The following DMTF1 variants were observed in gnomAD, a reference collection of about 807,000 sequenced individuals.
DMTF1 encodes cyclin D binding myb like transcription factor 1, also known as cyclin-D-binding Myb-like transcription factor 1.
In DMTF1, 39 loss-of-function variants were observed where a neutral mutation model predicts 91.1. The observed-to-expected ratio is 0.43, with a 90% CI of 0.33 to 0.56. The LOEUF (loss-of-function observed/expected upper bound fraction) is 0.56, where lower values mean the gene tolerates loss of function less well. Ranked by LOEUF, DMTF1 falls within the 20% of genes least tolerant of loss-of-function variation. DMTF1 has a pLI of 0.05. For missense variants in DMTF1, 750 were observed against 914.5 expected, an observed-to-expected ratio of 0.82 and a Z score of 2.32; for synonymous variants, 338 against 309.5, an observed-to-expected ratio of 1.09 and a Z score of -0.97.
chr7:87,153,125 C>T (rs546774137), intron 1 of DMTF1, among the ~76,000 whole-genome samples: 1 of 152,038 alleles, frequency 6.6e-6, no homozygotes, highest in African/African-American at 2.4e-5. Context: ...CCCTCGTTTG[C>T]GCTTTAGATT....
intron 4 of DMTF1, among the ~76,000 whole-genome samples, chr7:87,167,772 T>C (rs1335063434): frequency 6.6e-6 from 1 of 152,244 alleles, no homozygotes; most frequent in East Asian, 1.9e-4. Flanking sequence ...TCCTATGTTT[T>C]TTTAAAATCT....
intron 5 of DMTF1, 23 bp downstream of exon 5, chr7:87,171,112 C>T: frequency 6.8e-7 from 1 of 1,471,466 alleles, no homozygotes; most frequent in Non-Finnish European, 9.4e-7. Context: ...TTTTAACTGG[C>T]CTCAGGAGGA....
intron 17 of DMTF1, 30 bp from the exon 18 acceptor site, chr7:87,195,001 C>G: frequency 6.5e-7 from 1 of 1,549,474 alleles, no homozygotes; most frequent in Non-Finnish European, 8.9e-7. Context: ...TAAATATATA[C>G]ATTTAAGACT....
chr7:87,170,689 A>G (rs1319511258), intron 4 of DMTF1, among the ~76,000 whole-genome samples: 4 of 152,090 alleles, frequency 2.6e-5, no homozygotes, highest in African/African-American at 4.8e-5. Flanking sequence ...TTTTCTCACT[A>G]CTAATCACCA....
chr7:87,188,142 A>G lies in DMTF1; in HGVS notation c.1252A>G (p.Thr418Ala), dbSNP rs749936686. The G allele has an allele frequency of 2.5e-5, 41 of 1,613,764 alleles. 1 individual carries two copies. Among genetic ancestry groups the G allele is most frequent in the East Asian group, 1.1e-4 (5 of 44,886 alleles). ...ACATGAGAACCAAAAAAACAACCCAACGCTTTTGGAGAATAAATCAGGATC... is the reference window on the plus strand; with the variant it reads ...ACATGAGAACCAAAAAAACAACCCAGCGCTTTTGGAGAATAAATCAGGATC... ...QLHENQKNNP[T>A]LLENKSGSGV... The change falls in exon 13 of 18, where the codon ACG becomes GCG. Residue 418 changes from threonine to alanine, a missense_variant. Around this residue, in one of 3 missense-constraint regions of DMTF1, gnomAD observed 410 missense variants for 420.2 expected, o/e 0.98. Coordinates refer to ENST00000331242, the MANE Select transcript of DMTF1 (RefSeq NM_001142327.2).
intron 15 of DMTF1, 112 bp from the exon 16 acceptor site, chr7:87,193,613 G>A (rs985389213): frequency 7.4e-6 from 8 of 1,084,130 alleles, no homozygotes; most frequent in Admixed American, 2.5e-5. Flanking sequence ...TAGAAAAATA[G>A]TGATAAAAGT....
chr7:87,163,940 G>T (rs759290408), intron 2 of DMTF1, among the ~76,000 whole-genome samples: 11 of 151,878 alleles, frequency 7.2e-5, no homozygotes, highest in Non-Finnish European at 1.6e-4. Context: ...CTATTCGGGT[G>T]GCTAAGACAG....
At position 87,193,954 on chromosome 7, in the gene DMTF1, T is replaced by A. The variant is rs1275939045; in HGVS notation, c.1880T>A (p.Phe627Tyr). Residue 627 changes from phenylalanine (F) to tyrosine (Y), a missense_variant, in exon 16 of 18, where the codon TTT becomes TAT. Around this residue, in one of 3 missense-constraint regions of DMTF1, gnomAD observed 410 missense variants for 420.2 expected, o/e 0.98. Coordinates refer to ENST00000331242, the MANE Select transcript of DMTF1 (RefSeq NM_001142327.2). ...HHPKMTVEPSFNDAHVSKFSD... is the reference protein window; with the variant it reads ...HHPKMTVEPSYNDAHVSKFSD... ...CCTAAGATGACTGTGGAGCCATCATTTAATGATGCTCATGTATCCAAATTC... is the reference window on the plus strand; with the variant it reads ...CCTAAGATGACTGTGGAGCCATCATATAATGATGCTCATGTATCCAAATTC... The A allele has an allele frequency of 6.2e-7, 1 of 1,613,412 alleles. No homozygotes were observed. Among genetic ancestry groups the A allele is most frequent in the Admixed American group, 1.7e-5 (1 of 59,888 alleles).
At chr7:87,154,752 G>C (rs1447846234) in intron 1 of DMTF1, among the ~76,000 whole-genome samples, 2 of 152,110 alleles carry the variant, frequency 1.3e-5, no homozygotes, top group African/African-American at 4.8e-5. Flanking sequence ...CTGTCCTCTA[G>C]TCCTTTTTTT....
chr7:87,194,856 C>T, intron 17 of DMTF1, 28 bp downstream of exon 17: 2 of 1,576,224 alleles, frequency 1.3e-6, no homozygotes, highest in South Asian at 1.2e-5. Flanking sequence ...TTACTATGTG[C>T]CTGATAAATT....
chr7:87,166,212 T>C (rs1010555611), intron 3 of DMTF1, among the ~76,000 whole-genome samples: 1 of 152,198 alleles, frequency 6.6e-6, no homozygotes, highest in Admixed American at 6.5e-5. Flanking sequence ...ATTGCACATA[T>C]TGCTTCTACT....
chr7:87,165,249 C>T (rs913797065), intron 3 of DMTF1, among the ~76,000 whole-genome samples, 199 bp downstream of exon 3: 3 of 150,664 alleles, frequency 2.0e-5, no homozygotes, highest in Non-Finnish European at 4.4e-5. Flanking sequence ...TGTTGAGCCC[C>T]CAAAGGTAAT....
chr7:87,176,387 A>G (rs1426233873), intron 7 of DMTF1, among the ~76,000 whole-genome samples: 1 of 152,208 alleles, frequency 6.6e-6, no homozygotes, highest in Non-Finnish European at 1.5e-5. Flanking sequence ...TAAAGCAGTA[A>G]TCAGTGCTAA....
At chr7:87,155,832 C>T (rs1036234095) in intron 1 of DMTF1, among the ~76,000 whole-genome samples, 2 of 148,240 alleles carry the variant, frequency 1.3e-5, no homozygotes, top group African/African-American at 5.0e-5. Flanking sequence ...CTGGAGAGCT[C>T]ATTATGAACA....
intron 16 of DMTF1, chr7:87,194,369 C>A (rs1262929338): frequency 2.0e-6 from 1 of 488,830 alleles, no homozygotes; most frequent in Non-Finnish European, 3.6e-6. Context: ...TTGTTAGAAC[C>A]CATAGAAGCA....
intron 1 of DMTF1, among the ~76,000 whole-genome samples, chr7:87,160,114 A>T (rs757177822): frequency 6.6e-6 from 1 of 152,158 alleles, no homozygotes; most frequent in Non-Finnish European, 1.5e-5. Flanking sequence ...TTTCTACTCT[A>T]CTATCACAAT....
rs76795700 is a variant in DMTF1, at chr7:87,167,603, G to A, written c.232+998G>A. Among the ~76,000 whole-genome samples the A allele has an allele frequency of 5.2e-3, 795 of 152,294 alleles. 4 individuals carry two copies. The highest frequency in any genetic ancestry group is 0.019 in the African/African-American group (771 of 41,554). ...CATATCTATCATATCTTAACAAGTA[G>A]ATATGTACTCTGAATTTAGAGTTAA... On this transcript the variant is annotated intron_variant, in intron 4 of 17. Transcript: ENST00000331242.
At chr7:87,185,764 T>G (rs1316793082) in intron 11 of DMTF1, 65 bp from the exon 12 acceptor site, 1 of 1,568,126 alleles carries the variant, frequency 6.4e-7, no homozygotes, top group African/African-American at 1.4e-5. Flanking sequence ...TTACCTGTAG[T>G]CAGAGGAGGG....
chr7:87,174,335 G>C (rs116254193), intron 6 of DMTF1, among the ~76,000 whole-genome samples: 1 of 111,660 alleles, frequency 9.0e-6, no homozygotes, highest in Non-Finnish European at 2.0e-5. Flanking sequence ...TTGTTGAAAG[G>C]CTAAGAGAGG....
Sources: allele counts gnomAD v4.1 joint callset (sites outside exome capture counted in the v4.1 genomes callset), GRCh38; gene constraint gnomAD v4.1.1; regional missense constraint gnomAD v4.1.1; transcripts MANE v1.5; gene names NCBI Gene and HGNC (gene_info 2026-07-23, HGNC 2026-07-21).